Variants in TTC34 observed in about 807,000 individuals in gnomAD.
TTC34 encodes tetratricopeptide repeat protein 34.
A neutral mutation model predicts 40.7 loss-of-function variants in TTC34; 44 were observed. The observed-to-expected ratio is 1.08, with a 90% CI of 0.85 to 1.39. TTC34 has a LOEUF of 1.39. Ranked by LOEUF, TTC34 falls within the 40% of genes most tolerant of loss-of-function variation. TTC34 has a pLI of 0.00. For missense variants in TTC34, 884 were observed against 838.0 expected, an observed-to-expected ratio of 1.05 and a Z score of -0.68; for synonymous variants, 422 against 398.6, an observed-to-expected ratio of 1.06 and a Z score of -0.70.
intron 6 of TTC34, among the ~76,000 whole-genome samples, chr1:2,656,064 C>T (rs184857902): frequency 1.2e-5 from 1 of 85,242 alleles, no homozygotes; most frequent in African/African-American, 4.3e-5. Flanking sequence ...CCCCCAGGTG[C>T]GCATCTGATG....
At chr1:2,784,181 G>C (rs886188092) in intron 5 of TTC34, among the ~76,000 whole-genome samples, 1 of 152,186 alleles carries the variant, frequency 6.6e-6, no homozygotes, top group Non-Finnish European at 1.5e-5. Flanking sequence ...TGATTGACAA[G>C]GTGAAGCAAG....
intron 6 of TTC34, among the ~76,000 whole-genome samples, chr1:2,688,195 G>A (rs1640456398): frequency 1.6e-4 from 22 of 136,546 alleles, no homozygotes; most frequent in Admixed American, 1.4e-3. Flanking sequence ...ACAGCCTGGA[G>A]CAGCACCCCA....
chr1:2,677,083 C>T (rs1639933092), intron 6 of TTC34, among the ~76,000 whole-genome samples: 2 of 67,018 alleles, frequency 3.0e-5, no homozygotes, highest in Non-Finnish European at 7.3e-5. Context: ...TGGAGCAGCA[C>T]CCACAACCAC....
chr1:2,768,159 C>T (rs1266457519), intron 6 of TTC34, among the ~76,000 whole-genome samples: 1 of 151,658 alleles, frequency 6.6e-6, no homozygotes, highest in African/African-American at 2.4e-5. Context: ...TGGATCAACA[C>T]TCGAACCTTC....
chr1:2,759,297 T>G (rs1253942210), intron 6 of TTC34, among the ~76,000 whole-genome samples: 1,867 of 19,288 alleles, frequency 0.097, no homozygotes, highest in Middle Eastern at 0.23. Context: ...GCATCTGACG[T>G]CCTGGAACAG....
chr1:2,681,734 G>C (rs201787336), intron 6 of TTC34, among the ~76,000 whole-genome samples: 2 of 86,786 alleles, frequency 2.3e-5, no homozygotes, highest in South Asian at 7.3e-4. Flanking sequence ...AGCCTGGAGC[G>C]GAACCCACGG....
chr1:2,769,653 C>T (rs368515836), intron 6 of TTC34, among the ~76,000 whole-genome samples: 3 of 132,960 alleles, frequency 2.3e-5, no homozygotes, highest in Admixed American at 1.5e-4. Context: ...ATCTGACAGC[C>T]TGGAGCAGCA....
chr1:2,677,534 A>AG (rs1639952076), intron 6 of TTC34, among the ~76,000 whole-genome samples: 3 of 94,308 alleles, frequency 3.2e-5, no homozygotes, highest in African/African-American at 1.1e-4. Flanking sequence ...CCACACACCC[A>AG]GGTGAGCAAC....
intron 6 of TTC34, among the ~76,000 whole-genome samples, chr1:2,781,977 G>C (rs1046176235): frequency 1.3e-5 from 2 of 152,166 alleles, no homozygotes; most frequent in East Asian, 1.9e-4. Context: ...TAGTTTTCTT[G>C]TAGTGTCTTT....
chr1:2,687,863 G>A (rs1640436536), intron 6 of TTC34, among the ~76,000 whole-genome samples: 2 of 151,624 alleles, frequency 1.3e-5, no homozygotes, highest in Non-Finnish European at 2.9e-5. Flanking sequence ...TTGAGCATCT[G>A]ACAGCCTGGA....
At position 2,749,008 on chromosome 1, in the gene TTC34, G is replaced by T. The variant is rs1641232830; in HGVS notation, c.2226+34601C>A. Among the ~76,000 whole-genome samples the T allele has an allele frequency of 3.4e-5, 5 of 146,464 alleles. 1 individual carries two copies. The highest frequency in any genetic ancestry group is 4.0e-4 in the East Asian group (2 of 5,034). Reference sequence around the variant, plus strand: ...CCTGGAACAGCACCCACACGCCCAGGTGAGCATCTGACAGCCTGGAACAGC... The same window carrying T: ...CCTGGAACAGCACCCACACGCCCAGTTGAGCATCTGACAGCCTGGAACAGC... On this transcript the variant is annotated intron_variant, in intron 6 of 8. Transcript: ENST00000401095.
At chr1:2,782,232 G>A (rs1197271371) in intron 6 of TTC34, among the ~76,000 whole-genome samples, 2 of 152,102 alleles carry the variant, frequency 1.3e-5, no homozygotes, top group Non-Finnish European at 2.9e-5. Flanking sequence ...GTCTTGGTAG[G>A]TTTTGTGTTT....
At chr1:2,657,514 T>C (rs1639393965) in intron 6 of TTC34, among the ~76,000 whole-genome samples, 5 of 97,384 alleles carry the variant, frequency 5.1e-5, no homozygotes, top group Admixed American at 4.0e-4. Context: ...CAGGCGAGCA[T>C]CTGACAGCAT....
intron 6 of TTC34, among the ~76,000 whole-genome samples, chr1:2,653,374 G>T (rs1285862545): frequency 1.3e-5 from 2 of 151,774 alleles, no homozygotes; most frequent in Non-Finnish European, 2.9e-5. Flanking sequence ...ACACCCCCAG[G>T]CGAGCATCTG....
chr1:2,772,695 A>C (rs1263039707), intron 6 of TTC34, among the ~76,000 whole-genome samples: 30 of 9,576 alleles, frequency 3.1e-3, no homozygotes, highest in Admixed American at 8.3e-3. Flanking sequence ...CTCCACACCC[A>C]CAGGTGAGCA....
At chr1:2,676,930 C>A (rs1293950487) in intron 6 of TTC34, among the ~76,000 whole-genome samples, 23 of 147,910 alleles carry the variant, frequency 1.6e-4, no homozygotes, top group South Asian at 2.2e-4. Context: ...ACCCACACCC[C>A]CAGGTGAGCA....
chr1:2,782,714 C>G (rs1247477769), intron 6 of TTC34, among the ~76,000 whole-genome samples: 2 of 152,160 alleles, frequency 1.3e-5, no homozygotes, highest in Non-Finnish European at 2.9e-5. Context: ...CATTGTCTAA[C>G]TTCTCGAAGT....
At position 2,754,990 on chromosome 1, in the gene TTC34, G is replaced by C. The variant is rs1312861846; in HGVS notation, c.2226+28619C>G. On this transcript the variant is annotated intron_variant, in intron 6 of 8. Transcript: ENST00000401095. ...GAACAGCACCCACACCCCCAGGCGA[G>C]CATCTCACAGCACGTAACAGCACCC... 3.2e-5 allele frequency among the ~76,000 whole-genome samples: 2 copies of C among 62,656 alleles called. 1 individual carries two copies. Among genetic ancestry groups the C allele is most frequent in the East Asian group, 1.1e-3 (2 of 1,866 alleles). 41.1% of individuals were successfully genotyped at this position (62,656 alleles called of 152,430 possible).
In TTC34 at chr1:2,752,767, C is replaced by A. The variant is rs1190842454; in HGVS notation, c.2226+30842G>T. On this transcript the variant is annotated intron_variant, in intron 6 of 8. Coordinates refer to ENST00000401095, the Ensembl canonical transcript of TTC34. ...CAGCATCTGACAGCGTGGAACAGCA[C>A]CCATACGCCCAGATAAGCATGTGAC... 5.9e-4 allele frequency among the ~76,000 whole-genome samples: 74 copies of A among 125,024 alleles called. 8 individuals carry two copies. The highest frequency in any genetic ancestry group is 2.4e-3 in the Admixed American group (31 of 12,728). The allele number at this position is 125,024 out of a possible 152,430, so 82.0% of individuals were successfully genotyped here.
Sources: gnomAD v4.1 joint callset for allele counts (sites outside exome capture counted in the v4.1 genomes callset) on GRCh38, gnomAD v4.1.1 for gene constraint, MANE v1.5 for transcripts, NCBI Gene and HGNC (gene_info 2026-07-23, HGNC 2026-07-21) for gene names.